The following RAB3GAP2 variants were observed in gnomAD, a reference collection of about 807,000 sequenced individuals.
The protein encoded by RAB3GAP2 is rab3 GTPase-activating protein non-catalytic subunit.
A neutral mutation model predicts 185.3 loss-of-function variants in RAB3GAP2; 87 were observed. That is an observed-to-expected ratio of 0.47 (90% CI 0.39 to 0.56). RAB3GAP2 has a LOEUF of 0.56. RAB3GAP2 is among the 20% of genes least tolerant of loss of function. The pLI is 0.00. For missense variants in RAB3GAP2, 1,492 were observed against 1,638.2 expected (o/e 0.91, Z 1.54); for synonymous variants, 554 against 576.1 (o/e 0.96, Z 0.55).
chr1:220,248,549 C>T (rs1177911934), intron 1 of RAB3GAP2, among the ~76,000 whole-genome samples: 6 of 151,220 alleles, frequency 4.0e-5, no homozygotes, highest in Non-Finnish European at 7.4e-5. Flanking sequence ...AAATGTCAAT[C>T]GTTCCCAAAT....
At chr1:220,173,535 G>T (rs1285353567) in intron 21 of RAB3GAP2, among the ~76,000 whole-genome samples, 6 of 152,208 alleles carry the variant, frequency 3.9e-5, no homozygotes, top group African/African-American at 1.4e-4. Context: ...ATTAAGGAGG[G>T]TAAAGAGTTG....
chr1:220,153,614 T>C, intron 32 of RAB3GAP2: 1 of 321,580 alleles, frequency 3.1e-6, no homozygotes, highest in South Asian at 8.2e-5. Flanking sequence ...TATTTTTTAT[T>C]ATTATACTTT....
At chr1:220,174,381 C>A (rs970181463) in intron 21 of RAB3GAP2, among the ~76,000 whole-genome samples, 4 of 152,078 alleles carry the variant, frequency 2.6e-5, no homozygotes, top group Non-Finnish European at 4.4e-5. Context: ...CATATAGACA[C>A]CCTTTAAAAA....
At chr1:220,244,017 T>C (rs1275109533) in intron 1 of RAB3GAP2, among the ~76,000 whole-genome samples, 1 of 152,132 alleles carries the variant, frequency 6.6e-6, no homozygotes, top group Non-Finnish European at 1.5e-5. Context: ...ACAAGGCAAC[T>C]TTTACCACTT....
intron 1 of RAB3GAP2, chr1:220,254,643 C>T: frequency 1.2e-6 from 1 of 854,834 alleles, no homozygotes; most frequent in Admixed American, 2.3e-5. Flanking sequence ...TAGTGTATAA[C>T]AATTGATGTT....
Position 220,192,821 on chromosome 1 carries a change from T to C in RAB3GAP2, c.1270+419A>G, listed in dbSNP as rs144775358. On this transcript the variant is annotated intron_variant, in intron 13 of 34. Coordinates refer to ENST00000358951, the MANE Select transcript of RAB3GAP2 (RefSeq NM_012414.4). ...CATACTTATTGACACACCAGGTGGA[T>C]TGACCCAAGCATATGGATATAAAAG... 5.7e-4 allele frequency among the ~76,000 whole-genome samples: 87 copies of C among 152,276 alleles called. 1 individual carries two copies. In the East Asian group the frequency reaches 0.01, roughly 18 times the overall value.
At chr1:220,243,063 A>T (rs1659724528) in intron 1 of RAB3GAP2, among the ~76,000 whole-genome samples, 1 of 152,188 alleles carries the variant, frequency 6.6e-6, no homozygotes, top group Admixed American at 6.5e-5. Flanking sequence ...TTTAAAAAAA[A>T]GATATAACAG....
intron 1 of RAB3GAP2, among the ~76,000 whole-genome samples, chr1:220,251,368 T>C (rs928836613): frequency 1.3e-5 from 2 of 152,038 alleles, no homozygotes; most frequent in Non-Finnish European, 1.5e-5. Flanking sequence ...AAGGCAAAGG[T>C]TAAGAGATAT....
intron 2 of RAB3GAP2, among the ~76,000 whole-genome samples, chr1:220,229,960 T>TA (rs1230158434): frequency 6.6e-6 from 1 of 152,192 alleles, no homozygotes; most frequent in Non-Finnish European, 1.5e-5. Flanking sequence ...ACATGTAAGG[T>TA]AAGTGCCATT....
chr1:220,263,052 T>C (rs916892996), intron 1 of RAB3GAP2, among the ~76,000 whole-genome samples: 1 of 152,100 alleles, frequency 6.6e-6, no homozygotes. Flanking sequence ...TGATTAGTGA[T>C]GTTAAGCATC....
chr1:220,191,421 T>G, intron 13 of RAB3GAP2, 137 bp from the exon 14 acceptor site: 3 of 640,092 alleles, frequency 4.7e-6, no homozygotes, highest in Non-Finnish European at 2.7e-6. Context: ...TATTATGGAA[T>G]ATCTTAAATA....
intron 31 of RAB3GAP2, among the ~76,000 whole-genome samples, chr1:220,156,767 T>C (rs2102851590): frequency 6.6e-6 from 1 of 152,258 alleles, no homozygotes; most frequent in Non-Finnish European, 1.5e-5. Context: ...AAGTAAGGAA[T>C]TGGTGAGATA....
intron 1 of RAB3GAP2, among the ~76,000 whole-genome samples, chr1:220,244,106 G>C (rs748871710): frequency 2.6e-5 from 4 of 152,176 alleles, no homozygotes; most frequent in African/African-American, 4.8e-5. Context: ...AATTGGAAAA[G>C]AGGAAGTAAA....
At chr1:220,180,343 T>G (rs900846635) in intron 21 of RAB3GAP2, among the ~76,000 whole-genome samples, 8 of 151,420 alleles carry the variant, frequency 5.3e-5, no homozygotes, top group African/African-American at 9.7e-5. Flanking sequence ...TTACACAAGA[T>G]CAACAAAAAA....
At chr1:220,202,855 A>T (rs1208150410) in intron 8 of RAB3GAP2, among the ~76,000 whole-genome samples, 1 of 152,184 alleles carries the variant, frequency 6.6e-6, no homozygotes, top group African/African-American at 2.4e-5. Context: ...AGGCAGGAAA[A>T]TCACTTGAAC....
intron 1 of RAB3GAP2, among the ~76,000 whole-genome samples, chr1:220,257,505 T>A (rs1660053878): frequency 6.6e-6 from 1 of 151,940 alleles, no homozygotes; most frequent in Non-Finnish European, 1.5e-5. Context: ...AAAGCAGACA[T>A]CAAAAAGATC....
chr1:220,154,177 A>AATTTTAT, intron 31 of RAB3GAP2, 120 bp from the exon 32 acceptor site: 1 of 1,370,914 alleles, frequency 7.3e-7, no homozygotes, highest in Non-Finnish European at 9.8e-7. Context: ...CTTGAACAGT[A>AATTTTAT]AGATTTTAGA....
At chr1:220,173,540 G>A (rs1218910316) in intron 21 of RAB3GAP2, among the ~76,000 whole-genome samples, 1 of 152,220 alleles carries the variant, frequency 6.6e-6, no homozygotes, top group Admixed American at 6.5e-5. Context: ...GGAGGGTAAA[G>A]AGTTGAAGGA....
Position 220,196,294 on chromosome 1 carries a change from T to A in RAB3GAP2, c.916A>T (p.Thr306Ser), listed in dbSNP as rs773458866. 2 of 1,612,920 alleles carry A rather than the reference T, an allele frequency of 1.2e-6. No homozygotes were observed. The highest frequency in any genetic ancestry group is 1.7e-6 in the Non-Finnish European group (2 of 1,179,134). The change falls in exon 10 of 35, where the codon ACT becomes TCT. Residue 306 changes from threonine to serine, a missense_variant. Transcript: ENST00000358951. ...CCAGTAAATGGATTGGACCCTACAG[T>A]GATATACTGAGACATGGCAGGTGGA... ...NSPPAMSQYI[T>S]VGSNPFTGFF...
Sources: allele counts gnomAD v4.1 joint callset (sites outside exome capture counted in the v4.1 genomes callset), GRCh38; gene constraint gnomAD v4.1.1; transcripts MANE v1.5; gene names NCBI Gene and HGNC (gene_info 2026-07-23, HGNC 2026-07-21).